The following PHACTR3 variants were observed in gnomAD, a reference collection of about 807,000 sequenced individuals.
PHACTR3 encodes protein phosphatase 1, regulatory subunit 123.
PHACTR3 carries 16 observed loss-of-function variants against 66.8 expected under a neutral mutation model. The ratio of observed to expected loss-of-function variants is 0.24; its 90% CI spans 0.16 to 0.36. The LOEUF (loss-of-function observed/expected upper bound fraction) is 0.36. PHACTR3 is among the 10% of genes least tolerant of loss of function. The probability of loss-of-function intolerance (pLI) is 1.00; values close to 1 mark genes in which losing one functional copy is unlikely to be tolerated. For synonymous variants in PHACTR3, 323 were observed against 292.1 expected, an observed-to-expected ratio of 1.11 and a Z score of -1.08; for missense variants, 647 against 719.9, an observed-to-expected ratio of 0.90 and a Z score of 1.16.
intron 8 of PHACTR3, among the ~76,000 whole-genome samples, chr20:59,825,631 C>T (rs1243800614): frequency 6.6e-6 from 1 of 152,184 alleles, no homozygotes; most frequent in Non-Finnish European, 1.5e-5. Context: ...GCAACCTGTG[C>T]AGAAAGGAGC....
At chr20:59,603,688 G>C (rs1220713583), upstream of PHACTR3, 1 of 150,942 alleles carries the variant, frequency 6.6e-6, no homozygotes, top group East Asian at 1.9e-4. Context: ...ATGGGGTTGA[G>C]AAATTGAAAT....
intron 2 of PHACTR3, among the ~76,000 whole-genome samples, chr20:59,747,075 A>G (rs1333317124): frequency 2.0e-5 from 3 of 152,212 alleles, no homozygotes; most frequent in Non-Finnish European, 4.4e-5. Context: ...CCTGTGAAAG[A>G]AGGGAGAATG....
At chr20:59,823,479 C>T (rs2042106600) in intron 8 of PHACTR3, among the ~76,000 whole-genome samples, 2 of 152,204 alleles carry the variant, frequency 1.3e-5, no homozygotes, top group Admixed American at 6.5e-5. Context: ...ATGATTTGTT[C>T]ATGCTTTAAA....
intron 7 of PHACTR3, among the ~76,000 whole-genome samples, chr20:59,780,480 T>C (rs2040686514): frequency 6.6e-6 from 1 of 152,150 alleles, no homozygotes; most frequent in Admixed American, 6.5e-5. Context: ...TGTCCTCACA[T>C]GGCAGAAGGG....
chr20:59,836,402 G>T (rs1005579621), intron 8 of PHACTR3, 103 bp from the exon 9 acceptor site: 1 of 1,063,690 alleles, frequency 9.4e-7, no homozygotes, highest in Non-Finnish European at 1.3e-6. Context: ...TTTGGGAGGC[G>T]ATCTATAGGG....
At chr20:59,765,622 A>G (rs184149167) in intron 4 of PHACTR3, among the ~76,000 whole-genome samples, 3 of 152,346 alleles carry the variant, frequency 2.0e-5, no homozygotes, top group African/African-American at 7.2e-5. Flanking sequence ...AGGAACGGAA[A>G]CTAATGATAG....
chr20:59,774,170 G>A, intron 6 of PHACTR3, 73 bp from the exon 7 acceptor site: 1 of 1,511,296 alleles, frequency 6.6e-7, no homozygotes, highest in African/African-American at 1.4e-5. Flanking sequence ...TTCATTATAA[G>A]CTCCAAAGTC....
At chr20:59,776,633 C>A (rs942742341) in intron 7 of PHACTR3, among the ~76,000 whole-genome samples, 3 of 151,810 alleles carry the variant, frequency 2.0e-5, no homozygotes, top group African/African-American at 7.3e-5. Flanking sequence ...TCACGCCTGG[C>A]GTTAAAGGTA....
At chr20:59,819,189 G>A (rs995678150) in intron 8 of PHACTR3, among the ~76,000 whole-genome samples, 5 of 152,152 alleles carry the variant, frequency 3.3e-5, no homozygotes, top group African/African-American at 9.7e-5. Flanking sequence ...AGAATCGCTT[G>A]AGTCCAGGAT....
At position 59,765,617 on chromosome 20, in the gene PHACTR3, C is replaced by G. The variant is rs192167615; in HGVS notation, c.542-1569C>G. ...ACTTCCAACATAGCCAATAAAGGAA[C>G]GGAAACTAATGATAGCTAATGGGAT... On this transcript the variant is annotated intron_variant, in intron 4 of 12. Coordinates refer to ENST00000371015, the MANE Select transcript of PHACTR3 (RefSeq NM_080672.5). 4.8e-3 allele frequency among the ~76,000 whole-genome samples: 730 copies of G among 152,302 alleles called. 3 individuals carry two copies. Among genetic ancestry groups the G allele is most frequent in the African/African-American group, 0.017 (692 of 41,554 alleles).
At chr20:59,776,262 T>TG (rs5842285) in intron 7 of PHACTR3, among the ~76,000 whole-genome samples, 92,924 of 152,066 alleles carry the variant, frequency 0.61, 30,184 homozygotes, top group Non-Finnish European at 0.71. Context: ...CCCATGAGGC[T>TG]ATGACATCAT....
chr20:59,794,007 C>T (rs1004351744), intron 7 of PHACTR3, among the ~76,000 whole-genome samples: 7 of 151,510 alleles, frequency 4.6e-5, no homozygotes, highest in Non-Finnish European at 7.4e-5. Flanking sequence ...ACCTGTAATC[C>T]CAGCTACTCG....
At chr20:59,686,593 GTGA>G (rs1447172149) in intron 1 of PHACTR3, among the ~76,000 whole-genome samples, 21 of 151,436 alleles carry the variant, frequency 1.4e-4, no homozygotes, top group East Asian at 3.9e-4. Flanking sequence ...GATGATGATG[GTGA>G]TGATGATGGT....
At chr20:59,800,985 C>A (rs1184977237) in intron 7 of PHACTR3, among the ~76,000 whole-genome samples, 1 of 152,212 alleles carries the variant, frequency 6.6e-6, no homozygotes, top group African/African-American at 2.4e-5. Flanking sequence ...AACCGGCCCT[C>A]CGTCTAGTGC....
intron 1 of PHACTR3, among the ~76,000 whole-genome samples, chr20:59,615,668 G>A (rs1294603175): frequency 6.6e-6 from 1 of 152,168 alleles, no homozygotes; most frequent in Non-Finnish European, 1.5e-5. Context: ...TCTTCTCCGT[G>A]CATCTCTTAT....
intron 1 of PHACTR3, among the ~76,000 whole-genome samples, chr20:59,614,455 T>C (rs561897012): frequency 3.3e-5 from 5 of 152,336 alleles, no homozygotes; most frequent in African/African-American, 9.6e-5. Context: ...TGTTCCTGTT[T>C]GTTAAAGCAA....
chr20:59,683,317 T>C (rs576257641), intron 1 of PHACTR3, among the ~76,000 whole-genome samples: 2 of 152,296 alleles, frequency 1.3e-5, no homozygotes, highest in African/African-American at 4.8e-5. Flanking sequence ...AAATTGGCAA[T>C]TGGCTGCACA....
intron 10 of PHACTR3, 141 bp downstream of exon 10, chr20:59,840,571 T>C: frequency 1.5e-6 from 2 of 1,328,572 alleles, no homozygotes; most frequent in Non-Finnish European, 2.0e-6. Flanking sequence ...ATCAGTTAAA[T>C]CAGGATATTT....
chr20:59,740,171 C>T (rs1032468223), intron 1 of PHACTR3, among the ~76,000 whole-genome samples: 3 of 152,076 alleles, frequency 2.0e-5, no homozygotes, highest in Non-Finnish European at 4.4e-5. Context: ...CAAAAGTTAC[C>T]TGCACTGGCA....
Sources: gnomAD v4.1 joint callset for allele counts (sites outside exome capture counted in the v4.1 genomes callset) on GRCh38, gnomAD v4.1.1 for gene constraint, MANE v1.5 for transcripts, NCBI Gene and HGNC (gene_info 2026-07-23, HGNC 2026-07-21) for gene names.